PARP16: variants seen among roughly 807,000 people sequenced by gnomAD.
PARP16 encodes the protein protein mono-ADP-ribosyltransferase PARP16.
PARP16 carries 31 observed loss-of-function variants against 35.0 expected under a neutral mutation model. The ratio of observed to expected loss-of-function variants is 0.88; its 90% CI spans 0.66 to 1.19. The LOEUF (loss-of-function observed/expected upper bound fraction) is 1.19, where lower values mean the gene tolerates loss of function less well. PARP16 is among the 50% of genes most tolerant of loss of function. PARP16 has a pLI of 0.00. For synonymous variants in PARP16, 162 were observed against 169.5 expected (o/e 0.96, Z 0.34); for missense variants, 424 against 411.2 (o/e 1.03, Z -0.27).
rs139627760 is a variant in PARP16 at position 65,246,113 on chromosome 15, C to T, written c.*97+2004G>A. Among the ~76,000 whole-genome samples, 1,214 of 152,294 alleles carry T rather than the reference C, an allele frequency of 8.0e-3. 15 individuals carry two copies. The highest frequency in any genetic ancestry group is 0.027 in the African/African-American group (1,138 of 41,550). On this transcript the variant is annotated intron_variant and NMD_transcript_variant, in intron 3 of 3. Coordinates refer to the PARP16 transcript ENST00000559805. ...CTCCAGGCAGACCCTCTCCCTGCTT[C>T]TCTCAGGGCCTCGGCCACCCTGAGC...
At chr15:65,235,575 G>A (rs976567000) in intron 3 of PARP16, among the ~76,000 whole-genome samples, 1 of 150,748 alleles carries the variant, frequency 6.6e-6, no homozygotes, top group African/African-American at 2.4e-5. Flanking sequence ...AGGATGAGGT[G>A]GGCAGTTTGT....
rs774081916 is a variant in PARP16 at position 65,261,014 on chromosome 15, A to G, written c.704T>C (p.Ile235Thr). The G allele has an allele frequency of 4.1e-5, 66 of 1,613,618 alleles. No individual in the cohort carries two copies. The highest frequency in any genetic ancestry group is 1.2e-4 in the South Asian group (11 of 91,064). The change falls in exon 5 of 6, where the codon ATA becomes ACA. Residue 235 changes from isoleucine to threonine, a missense_variant. Ile to Thr is a moderately conservative substitution (Grantham distance 89). Transcript: ENST00000649807. Reference protein sequence around the residue: ...CQTKKKDSKEIDRRRARIKHS... With the variant: ...CQTKKKDSKETDRRRARIKHS... The stretch of plus-strand genomic sequence containing the variant: ...TTTGATTCTCGCTCGTCTGCGATCT[A>G]TCTCCTTGGAATCTGAATAAGGAGA...
At chr15:65,264,232 C>T (rs992193010) in intron 3 of PARP16, among the ~76,000 whole-genome samples, 2 of 152,170 alleles carry the variant, frequency 1.3e-5, no homozygotes, top group African/African-American at 4.8e-5. Flanking sequence ...CACATCTTTG[C>T]CCATGGTAGA....
chr15:65,243,303 G>A (rs1032095345), intron 3 of PARP16, among the ~76,000 whole-genome samples: 1 of 151,982 alleles, frequency 6.6e-6, no homozygotes, highest in Non-Finnish European at 1.5e-5. Flanking sequence ...CCAGGCTGGA[G>A]TGCAGTGGCG....
chr15:65,272,926 T>C (rs1010276067), intron 1 of PARP16, among the ~76,000 whole-genome samples: 2 of 152,148 alleles, frequency 1.3e-5, no homozygotes, highest in Non-Finnish European at 2.9e-5. Flanking sequence ...AACACTGTCC[T>C]CCCAAACCCT....
chr15:65,245,501 G>A (rs576170212), intron 3 of PARP16, among the ~76,000 whole-genome samples: 1 of 152,254 alleles, frequency 6.6e-6, no homozygotes, highest in South Asian at 2.1e-4. Flanking sequence ...CCCAGATCTC[G>A]CCAGGAACAC....
chr15:65,250,263 G>A (rs566719025), intron 2 of PARP16, among the ~76,000 whole-genome samples: 15 of 151,894 alleles, frequency 9.9e-5, no homozygotes, highest in Admixed American at 2.6e-4. Context: ...GATTACAGGC[G>A]CGCGCCACCA....
chr15:65,235,146 T>A (rs1185867001), intron 3 of PARP16, among the ~76,000 whole-genome samples: 4 of 145,780 alleles, frequency 2.7e-5, no homozygotes, highest in South Asian at 2.2e-4. Flanking sequence ...AAAGTATATT[T>A]AAAAAAAAAA....
chr15:65,237,824 A>C, intron 3 of PARP16, among the ~76,000 whole-genome samples: 1 of 152,192 alleles, frequency 6.6e-6, no homozygotes, highest in South Asian at 2.1e-4. Context: ...CAGGAAATTA[A>C]TGCAGTTGGG....
chr15:65,248,679 G>A (rs1191896998), intron 2 of PARP16, among the ~76,000 whole-genome samples: 1 of 152,150 alleles, frequency 6.6e-6, no homozygotes, highest in Non-Finnish European at 1.5e-5. Context: ...TTTGTCCATA[G>A]ACTCCTGGAC....
chr15:65,239,469 A>AAAAAG (rs563693962), intron 3 of PARP16, among the ~76,000 whole-genome samples: 1 of 145,788 alleles, frequency 6.9e-6, no homozygotes, highest in Non-Finnish European at 1.5e-5. Context: ...AAAAGAAAAA[A>AAAAAG]AAAAGAAAAG....
At chr15:65,251,662 TGA>T (rs1311133065) in intron 2 of PARP16, among the ~76,000 whole-genome samples, 1 of 152,140 alleles carries the variant, frequency 6.6e-6, no homozygotes, top group Non-Finnish European at 1.5e-5. Flanking sequence ...TCAAAAGATA[TGA>T]GATACTATTA....
downstream of PARP16, among the ~76,000 whole-genome samples, chr15:65,256,730 A>G (rs1401968230): frequency 6.6e-6 from 1 of 151,974 alleles, no homozygotes; most frequent in African/African-American, 2.4e-5. Flanking sequence ...AAAGTCTTTC[A>G]AGATCTGGTC....
At position 65,266,723 on chromosome 15, in the gene PARP16, G is replaced by C; in HGVS notation, c.358C>G (p.Pro120Ala). The change falls in exon 3 of 6, where the codon CCT (proline) becomes GCT (alanine). Residue 120 changes from proline to alanine, a missense_variant. Pro to Ala is a conservative substitution (Grantham distance 27). Coordinates refer to ENST00000649807, the MANE Select transcript of PARP16 (RefSeq NM_001316943.2). ...ATTTCAAACAGGAAGTCCGGTGCAGGAACAGGCGTGTGAGGAGCCCCAGTC... is the reference window on the plus strand; with the variant it reads ...ATTTCAAACAGGAAGTCCGGTGCAGCAACAGGCGTGTGAGGAGCCCCAGTC... ...KLTGAPHTPVPAPDFLFEIEY... is the reference protein window; with the variant it reads ...KLTGAPHTPVAAPDFLFEIEY... 6.2e-7 allele frequency: 1 copy of C among 1,614,118 alleles called. No homozygotes were observed. Among genetic ancestry groups the C allele is most frequent in the South Asian group, 1.1e-5 (1 of 91,082 alleles).
intron 1 of PARP16, among the ~76,000 whole-genome samples, chr15:65,284,399 G>C (rs1192096473): frequency 7.5e-6 from 1 of 132,736 alleles, no homozygotes; most frequent in Non-Finnish European, 1.5e-5. Flanking sequence ...CTGGAGTGCA[G>C]TGGGGCGATC....
intron 2 of PARP16, among the ~76,000 whole-genome samples, chr15:65,270,629 T>C (rs995675523): frequency 1.3e-5 from 2 of 152,170 alleles, no homozygotes; most frequent in African/African-American, 2.4e-5. Context: ...CAGTGCCTGA[T>C]GGAAGTATAC....
At chr15:65,267,984 C>A (rs1334575550) in intron 2 of PARP16, among the ~76,000 whole-genome samples, 2 of 152,046 alleles carry the variant, frequency 1.3e-5, no homozygotes, top group African/African-American at 4.8e-5. Context: ...AGCCACCACG[C>A]CCGGCCACTT....
chr15:65,238,995 A>C (rs1250510846), intron 3 of PARP16, among the ~76,000 whole-genome samples: 1 of 152,080 alleles, frequency 6.6e-6, no homozygotes, highest in Non-Finnish European at 1.5e-5. Context: ...GCCAGGTATG[A>C]TGGCATGTGC....
intron 1 of PARP16, among the ~76,000 whole-genome samples, chr15:65,284,079 G>A (rs1221208788): frequency 1.3e-5 from 2 of 152,118 alleles, no homozygotes; most frequent in East Asian, 3.9e-4. Flanking sequence ...TGATAGCAAA[G>A]GAGGAACCAA....
Sources: gnomAD v4.1 joint callset for allele counts (sites outside exome capture counted in the v4.1 genomes callset) on GRCh38, gnomAD v4.1.1 for gene constraint, MANE v1.5 for transcripts, NCBI Gene and HGNC (gene_info 2026-07-23, HGNC 2026-07-21) for gene names.